DNAI1: variants seen among roughly 807,000 people sequenced by gnomAD.
The protein encoded by DNAI1 is dynein, axonemal, intermediate polypeptide 1.
In DNAI1, 67 loss-of-function variants were observed where a neutral mutation model predicts 92.0. The observed-to-expected ratio is 0.73, with a 90% confidence interval of 0.60 to 0.89. The LOEUF is 0.89. Among genes scored for constraint, DNAI1 ranks in the 40% least tolerant of loss-of-function variants. The pLI is 0.00. For missense variants in DNAI1, 839 were observed against 866.6 expected (o/e 0.97, Z 0.40); for synonymous variants, 323 against 319.6 (o/e 1.01, Z -0.11).
intron 10 of DNAI1, among the ~76,000 whole-genome samples, chr9:34,500,193 T>A (rs1824800757): frequency 6.6e-6 from 1 of 152,104 alleles, no homozygotes; most frequent in Non-Finnish European, 1.5e-5. Flanking sequence ...AGAGACAATT[T>A]TGTGGGCAGG....
At chr9:34,507,551 T>G (rs1407405807) in intron 13 of DNAI1, among the ~76,000 whole-genome samples, 1 of 152,222 alleles carries the variant, frequency 6.6e-6, no homozygotes, top group Non-Finnish European at 1.5e-5. Flanking sequence ...GAGGGGTTGG[T>G]CTTGCTGTCT....
At chr9:34,483,971 T>C (rs1455105356) in intron 2 of DNAI1, among the ~76,000 whole-genome samples, 1 of 152,218 alleles carries the variant, frequency 6.6e-6, no homozygotes, top group African/African-American at 2.4e-5. Flanking sequence ...ATCCTAGCAC[T>C]TTGGGAGGCC....
At chr9:34,479,581 G>T (rs1489747125) in intron 1 of DNAI1, among the ~76,000 whole-genome samples, 1 of 152,200 alleles carries the variant, frequency 6.6e-6, no homozygotes, top group Non-Finnish European at 1.5e-5. Flanking sequence ...ACAGGGGGCA[G>T]CGGTAACTGG....
At chr9:34,484,721 TA>T in intron 2 of DNAI1, among the ~76,000 whole-genome samples, 1 of 152,338 alleles carries the variant, frequency 6.6e-6, no homozygotes, top group Middle Eastern at 3.4e-3. Context: ...GTTGGGAAGA[TA>T]AAATATAAAT....
intron 4 of DNAI1, chr9:34,488,072 A>G (rs916995414): frequency 2.5e-6 from 1 of 397,468 alleles, no homozygotes; most frequent in South Asian, 1.9e-5. Context: ...AATCTTCATC[A>G]TGAAAATAGT....
At chr9:34,463,175 TG>T (rs1823980471) in intron 1 of DNAI1, among the ~76,000 whole-genome samples, 1 of 151,788 alleles carries the variant, frequency 6.6e-6, no homozygotes. Context: ...GGTGAAGGGA[TG>T]GGGATAGGGG....
intron 12 of DNAI1, among the ~76,000 whole-genome samples, chr9:34,505,562 A>C (rs1007436642): frequency 2.6e-5 from 4 of 152,174 alleles, no homozygotes; most frequent in African/African-American, 9.7e-5. Flanking sequence ...TATTCTGCCT[A>C]CCACACACCC....
At chr9:34,461,623 A>G (rs1175154206) in intron 1 of DNAI1, among the ~76,000 whole-genome samples, 1 of 152,256 alleles carries the variant, frequency 6.6e-6, no homozygotes, top group Non-Finnish European at 1.5e-5. Flanking sequence ...GAGAGGTGAC[A>G]GCAGACAGAA....
At chr9:34,470,536 G>A (rs370092495) in intron 1 of DNAI1, among the ~76,000 whole-genome samples, 355 of 152,092 alleles carry the variant, frequency 2.3e-3, no homozygotes, top group African/African-American at 8.4e-3. Context: ...AATGACAAAG[G>A]GTCAATTCAA....
At chr9:34,517,133 G>C (rs1434115951) in intron 18 of DNAI1, 152 bp from the exon 19 acceptor site, 7 of 767,426 alleles carry the variant, frequency 9.1e-6, no homozygotes, top group Non-Finnish European at 1.5e-5. Flanking sequence ...AAAACACAGA[G>C]ACACAAAATT....
At chr9:34,475,667 T>C (rs1374347660) in intron 1 of DNAI1, among the ~76,000 whole-genome samples, 2 of 152,186 alleles carry the variant, frequency 1.3e-5, no homozygotes, top group African/African-American at 4.8e-5. Flanking sequence ...GCCATTATAA[T>C]GCCAATTTTT....
At chr9:34,511,180 A>C (rs911021992) in intron 13 of DNAI1, among the ~76,000 whole-genome samples, 1 of 152,206 alleles carries the variant, frequency 6.6e-6, no homozygotes, top group Non-Finnish European at 1.5e-5. Flanking sequence ...CTGGGCACCC[A>C]GCCCCACCCC....
intron 13 of DNAI1, among the ~76,000 whole-genome samples, chr9:34,510,791 C>G (rs1426594780): frequency 6.6e-6 from 1 of 152,150 alleles, no homozygotes; most frequent in Non-Finnish European, 1.5e-5. Flanking sequence ...TCCCCTCCCC[C>G]CTTTAAAGGG....
chr9:34,475,027 A>T (rs1346621447), intron 1 of DNAI1, among the ~76,000 whole-genome samples: 2 of 152,228 alleles, frequency 1.3e-5, no homozygotes, highest in Non-Finnish European at 2.9e-5. Context: ...CCCTGCATAG[A>T]CCACTATTCA....
At chr9:34,510,870 C>T (rs1825053161) in intron 13 of DNAI1, among the ~76,000 whole-genome samples, 1 of 152,172 alleles carries the variant, frequency 6.6e-6, no homozygotes, top group Non-Finnish European at 1.5e-5. Context: ...CTCACAGGCT[C>T]TGTGGCGCTC....
chr9:34,469,876 A>G (rs983331896), intron 1 of DNAI1, among the ~76,000 whole-genome samples: 18 of 152,328 alleles, frequency 1.2e-4, no homozygotes, highest in African/African-American at 3.8e-4. Flanking sequence ...CACTGCGCCC[A>G]GCCCTTCTAT....
chr9:34,491,402 C>G, intron 7 of DNAI1, 93 bp from the exon 8 acceptor site: 2 of 1,419,360 alleles, frequency 1.4e-6, no homozygotes, highest in Non-Finnish European at 9.9e-7. Flanking sequence ...TCCATCAGCC[C>G]CAGCCAAAAT....
At chr9:34,481,907 G>T (rs867797803) in intron 1 of DNAI1, among the ~76,000 whole-genome samples, 1 of 152,208 alleles carries the variant, frequency 6.6e-6, no homozygotes, top group African/African-American at 2.4e-5. Flanking sequence ...AAGGGGACCC[G>T]AGCAGGTTGC....
At chr9:34,492,085 A>G (rs1465100757) in intron 8 of DNAI1, among the ~76,000 whole-genome samples, 2 of 152,178 alleles carry the variant, frequency 1.3e-5, no homozygotes, top group Non-Finnish European at 2.9e-5. Flanking sequence ...AAACCATGTC[A>G]CTTTTAATGC....
Sources: gnomAD v4.1 joint callset for allele counts (sites outside exome capture counted in the v4.1 genomes callset) on GRCh38, gnomAD v4.1.1 for gene constraint, MANE v1.5 for transcripts, NCBI Gene and HGNC (gene_info 2026-07-23, HGNC 2026-07-21) for gene names.